The following DLG2 variants were observed in gnomAD, a reference collection of about 807,000 sequenced individuals.
DLG2 encodes the protein discs large MAGUK scaffold protein 2, also known as disks large homolog 2.
DLG2 carries 45 observed loss-of-function variants against 132.5 expected under a neutral mutation model. The ratio of observed to expected loss-of-function variants is 0.34; its 90% CI spans 0.27 to 0.44. The LOEUF is 0.44. Among genes scored for constraint, DLG2 ranks in the 20% least tolerant of loss-of-function variants. The pLI, the probability that DLG2 is intolerant of heterozygous loss-of-function variation, is 1.00. For missense variants in DLG2, 1,045 were observed against 1,196.9 expected, an observed-to-expected ratio of 0.87 and a Z score of 1.87; for synonymous variants, 424 against 419.6, an observed-to-expected ratio of 1.01 and a Z score of -0.13.
chr11:84,716,140 T>A (rs1361916063), intron 6 of DLG2, among the ~76,000 whole-genome samples: 1 of 152,056 alleles, frequency 6.6e-6, no homozygotes, highest in African/African-American at 2.4e-5. Flanking sequence ...GTGGTTTTGA[T>A]TCTCATTTTC....
intron 27 of DLG2, among the ~76,000 whole-genome samples, chr11:83,461,303 C>T (rs924791158): frequency 7.9e-5 from 12 of 151,696 alleles, no homozygotes; most frequent in African/African-American, 2.2e-4. Flanking sequence ...AAGCCCAGCT[C>T]GAAAGTTCTT....
At chr11:83,708,686 C>T (rs1314265348) in intron 18 of DLG2, among the ~76,000 whole-genome samples, 1 of 151,976 alleles carries the variant, frequency 6.6e-6, no homozygotes, top group Non-Finnish European at 1.5e-5. Flanking sequence ...CCTTAAAGTA[C>T]CTAATTAGCT....
At chr11:83,974,526 A>G (rs918226176) in intron 12 of DLG2, among the ~76,000 whole-genome samples, 1 of 152,094 alleles carries the variant, frequency 6.6e-6, no homozygotes, top group African/African-American at 2.4e-5. Flanking sequence ...ATCAAAATCA[A>G]ATCACTTACT....
chr11:85,162,535 G>C (rs918668617), intron 4 of DLG2, among the ~76,000 whole-genome samples: 1 of 152,132 alleles, frequency 6.6e-6, no homozygotes, highest in Non-Finnish European at 1.5e-5. Context: ...TCCTACTTTT[G>C]TTAAAAACAT....
At chr11:84,036,360 T>C (rs1384813023) in intron 11 of DLG2, among the ~76,000 whole-genome samples, 2 of 152,168 alleles carry the variant, frequency 1.3e-5, no homozygotes, top group Admixed American at 1.3e-4. Context: ...AAATGAAATG[T>C]TGTTGCTAGG....
intron 18 of DLG2, among the ~76,000 whole-genome samples, chr11:83,725,637 A>C (rs533905349): frequency 6.6e-6 from 1 of 152,238 alleles, no homozygotes; most frequent in African/African-American, 2.4e-5. Flanking sequence ...GCCAACATCA[A>C]GACTTTGTTA....
intron 6 of DLG2, among the ~76,000 whole-genome samples, chr11:84,956,043 T>C (rs573092605): frequency 6.6e-6 from 1 of 152,294 alleles, no homozygotes; most frequent in South Asian, 2.1e-4. Context: ...AGGAAAGCCC[T>C]GACTACCCAG....
chr11:83,597,181 CAT>C (rs2057735755), intron 19 of DLG2, among the ~76,000 whole-genome samples: 1 of 152,070 alleles, frequency 6.6e-6, no homozygotes, highest in Non-Finnish European at 1.5e-5. Flanking sequence ...AATTAGGTAA[CAT>C]CAGTGACAGC....
intron 6 of DLG2, among the ~76,000 whole-genome samples, chr11:85,088,945 C>G (rs1395581188): frequency 2.0e-5 from 3 of 152,188 alleles, no homozygotes; most frequent in Non-Finnish European, 2.9e-5. Context: ...TTAAATAGCT[C>G]TGCTTACCAT....
At chr11:85,162,388 A>G (rs2152475584) in intron 4 of DLG2, among the ~76,000 whole-genome samples, 1 of 152,322 alleles carries the variant, frequency 6.6e-6, no homozygotes, top group African/African-American at 2.4e-5. Flanking sequence ...ACAAAACAAA[A>G]CAAAAAAGCA....
chr11:84,761,286 T>TA (rs889797400), intron 6 of DLG2, among the ~76,000 whole-genome samples: 5 of 152,222 alleles, frequency 3.3e-5, no homozygotes, highest in African/African-American at 1.2e-4. Context: ...GGTAAACCTG[T>TA]AACATTTGGT....
At chr11:85,354,980 T>C (rs1223508827) in intron 3 of DLG2, among the ~76,000 whole-genome samples, 1 of 152,208 alleles carries the variant, frequency 6.6e-6, no homozygotes, top group Non-Finnish European at 1.5e-5. Context: ...CTTTGGATTT[T>C]TAGTTTTAAA....
rs966850768 is a variant in DLG2 at position 83,719,395 on chromosome 11, A to G, written c.1825+67295T>C. 2.0e-5 allele frequency among the ~76,000 whole-genome samples: 3 copies of G among 152,348 alleles called. No homozygotes were observed. In the Middle Eastern group the frequency reaches 0.01, roughly 518 times the overall value. Reference sequence around the variant, plus strand: ...TGTCTTAGTCCATCTGTGCTGTTATAAAAATAAAAACAATTCTGAGGCTGG... The same window carrying G: ...TGTCTTAGTCCATCTGTGCTGTTATGAAAATAAAAACAATTCTGAGGCTGG... On this transcript the variant is annotated intron_variant, in intron 18 of 27. Coordinates refer to ENST00000376104, the MANE Select transcript of DLG2 (RefSeq NM_001142699.3).
At chr11:83,487,131 A>G (rs776751527) in intron 21 of DLG2, among the ~76,000 whole-genome samples, 1 of 152,076 alleles carries the variant, frequency 6.6e-6, no homozygotes, top group Non-Finnish European at 1.5e-5. Context: ...TACTTGATCA[A>G]TGATATTCTT....
At chr11:84,218,851 ACAGCT>A (rs1224125892) in intron 8 of DLG2, among the ~76,000 whole-genome samples, 1 of 152,222 alleles carries the variant, frequency 6.6e-6, no homozygotes, top group Non-Finnish European at 1.5e-5. Flanking sequence ...AGTGCATAGA[ACAGCT>A]CTTCATGACA....
intron 19 of DLG2, among the ~76,000 whole-genome samples, chr11:83,555,344 T>C (rs7946583): frequency 6.6e-6 from 1 of 152,336 alleles, no homozygotes; most frequent in South Asian, 2.1e-4. Flanking sequence ...AGATGTGAGA[T>C]GATCAGATTT....
intron 6 of DLG2, among the ~76,000 whole-genome samples, chr11:84,584,670 ATTCCTT>A (rs2099524857): frequency 8.6e-6 from 1 of 116,490 alleles, no homozygotes; most frequent in African/African-American, 3.2e-5. Flanking sequence ...CTGGCCCAGC[ATTCCTT>A]TTTTTTTTTT....
chr11:83,954,374 T>C (rs1181671770), intron 14 of DLG2, among the ~76,000 whole-genome samples: 1 of 152,182 alleles, frequency 6.6e-6, no homozygotes, highest in Non-Finnish European at 1.5e-5. Context: ...TGTGGTCAGT[T>C]TTCTCTTTAT....
At chr11:85,550,306 G>A (rs1487778811) in intron 3 of DLG2, among the ~76,000 whole-genome samples, 1 of 152,260 alleles carries the variant, frequency 6.6e-6, no homozygotes, top group African/African-American at 2.4e-5. Flanking sequence ...GGATGGCAGA[G>A]CTAAAAGAGC....
Sources: allele counts gnomAD v4.1 joint callset (sites outside exome capture counted in the v4.1 genomes callset), GRCh38; gene constraint gnomAD v4.1.1; transcripts MANE v1.5; gene names NCBI Gene and HGNC (gene_info 2026-07-23, HGNC 2026-07-21).